SOX5: variants seen among roughly 807,000 people sequenced by gnomAD.
The protein encoded by SOX5 is transcription factor SOX-5.
In SOX5, 9 loss-of-function variants were observed where a neutral mutation model predicts 92.0. The observed-to-expected ratio is 0.10, with a 90% CI of 0.06 to 0.17. The LOEUF (loss-of-function observed/expected upper bound fraction) is 0.17. SOX5 is among the 10% of genes least tolerant of loss of function. SOX5 has a pLI of 1.00. For missense variants in SOX5, 642 were observed against 944.5 expected, an observed-to-expected ratio of 0.68 and a Z score of 4.20; for synonymous variants, 344 against 336.3, an observed-to-expected ratio of 1.02 and a Z score of -0.25.
chr12:24,443,265 A>AT (rs1297342785), intron 1 of SOX5, among the ~76,000 whole-genome samples: 4 of 152,144 alleles, frequency 2.6e-5, no homozygotes, highest in African/African-American at 4.8e-5. Context: ...TTTATGGATT[A>AT]TTTTTAAAAC....
intron 7 of SOX5, among the ~76,000 whole-genome samples, chr12:23,644,399 T>C (rs11047018): frequency 0.035 from 5,387 of 152,276 alleles, 173 homozygotes; most frequent in African/African-American, 0.079. Flanking sequence ...TAAATGTTTG[T>C]TGTCTTAAGG....
chr12:23,949,749 T>TCC (rs1569216778), upstream of SOX5: 15 of 915,016 alleles, frequency 1.6e-5, no homozygotes, highest in South Asian at 3.0e-5. Context: ...TCTCTCTCTC[T>TCC]CTCCCTCTCT....
chr12:23,603,535 T>C (rs1164010429), intron 9 of SOX5, among the ~76,000 whole-genome samples: 1 of 150,116 alleles, frequency 6.7e-6, no homozygotes, highest in Admixed American at 6.7e-5. Flanking sequence ...TTATTTGTGG[T>C]TGTTTCCCTG....
rs138552742 is a variant in SOX5 at position 23,859,372 on chromosome 12, T to G, written c.271-13179A>C. Among the ~76,000 whole-genome samples, 119 of 152,242 alleles carry G rather than the reference T, an allele frequency of 7.8e-4. 1 individual carries two copies. In the East Asian group the frequency reaches 0.02, roughly 26 times the overall value. ...TCTGGGAATGTTTGTCTTATGCAGT[T>G]GAGATAAGGGATGAAATACGCTCTG... On this transcript the variant is annotated intron_variant, in intron 2 of 14. Transcript: ENST00000451604.
chr12:23,761,460 G>A (rs1472989213), intron 3 of SOX5, among the ~76,000 whole-genome samples: 1 of 152,112 alleles, frequency 6.6e-6, no homozygotes, highest in Non-Finnish European at 1.5e-5. Flanking sequence ...TTTGACCAAG[G>A]AAATTAGTGT....
At chr12:23,976,398 CAAAAAAACA>C (rs1229959249) in intron 4 of SOX5, among the ~76,000 whole-genome samples, 13 of 106,774 alleles carry the variant, frequency 1.2e-4, no homozygotes, top group South Asian at 3.1e-4. Flanking sequence ...ATTAAAAAAA[CAAAAAAACA>C]AAAAAAAAAA....
At chr12:24,146,690 GAGA>G (rs972312887) in intron 4 of SOX5, among the ~76,000 whole-genome samples, 5 of 148,616 alleles carry the variant, frequency 3.4e-5, no homozygotes, top group African/African-American at 1.2e-4. Context: ...CTGATTCTTT[GAGA>G]AGATTAATAA....
intron 1 of SOX5, among the ~76,000 whole-genome samples, chr12:24,444,514 T>C (rs1941165469): frequency 6.6e-6 from 1 of 152,150 alleles, no homozygotes; most frequent in South Asian, 2.1e-4. Context: ...AAATGGGGCA[T>C]GAAATGTATT....
At chr12:23,928,926 A>G (rs942423212) in intron 1 of SOX5, among the ~76,000 whole-genome samples, 1 of 151,944 alleles carries the variant, frequency 6.6e-6, no homozygotes, top group African/African-American at 2.4e-5. Flanking sequence ...TCAATTCATT[A>G]TCAATTAGCT....
chr12:23,587,391 G>A (rs1192017688), intron 9 of SOX5, among the ~76,000 whole-genome samples: 3 of 152,036 alleles, frequency 2.0e-5, no homozygotes, highest in Non-Finnish European at 2.9e-5. Context: ...TTGAACCCAA[G>A]TCATAAAGGT....
chr12:24,069,934 A>C (rs1941494736), intron 4 of SOX5, among the ~76,000 whole-genome samples: 2 of 152,136 alleles, frequency 1.3e-5, no homozygotes, highest in Admixed American at 1.3e-4. Flanking sequence ...CCACATAGCC[A>C]TTTACTACTG....
At chr12:23,722,820 T>C (rs2092894127) in intron 6 of SOX5, among the ~76,000 whole-genome samples, 1 of 152,178 alleles carries the variant, frequency 6.6e-6, no homozygotes. Context: ...AGCTTCCCAC[T>C]TATCAGTCAC....
At chr12:24,173,846 G>T (rs1247799097) in intron 4 of SOX5, among the ~76,000 whole-genome samples, 2 of 152,142 alleles carry the variant, frequency 1.3e-5, no homozygotes, top group Non-Finnish European at 2.9e-5. Context: ...TATTCATCCA[G>T]TTACTACCAG....
chr12:23,827,875 A>T (rs934057522), intron 3 of SOX5, among the ~76,000 whole-genome samples: 4 of 152,200 alleles, frequency 2.6e-5, no homozygotes, highest in African/African-American at 7.2e-5. Flanking sequence ...GTCCTGCCAG[A>T]GCAATATTTC....
At chr12:23,820,198 T>TC (rs2096079009) in intron 3 of SOX5, among the ~76,000 whole-genome samples, 1 of 152,236 alleles carries the variant, frequency 6.6e-6, no homozygotes, top group Non-Finnish European at 1.5e-5. Context: ...GAGCTTTTTT[T>TC]CATGTTTTTT....
At position 24,357,623 on chromosome 12, in the gene SOX5, G is replaced by A. The variant is rs192925054; in HGVS notation, c.-174+10940C>T. Among the ~76,000 whole-genome samples the A allele has an allele frequency of 2.0e-5, 3 of 152,116 alleles. No homozygotes were observed. In the East Asian group the frequency reaches 5.8e-4, roughly 29 times the overall value. On this transcript the variant is annotated intron_variant, in intron 2 of 4. Coordinates refer to the SOX5 transcript ENST00000446891. ...TTTGGGAGGCCGAGGCGGGTGGATT[G>A]CCTGAGCTCAGGAGTTCATGACCAT...
intron 4 of SOX5, among the ~76,000 whole-genome samples, chr12:24,144,647 G>T (rs1461235727): frequency 2.6e-5 from 4 of 152,114 alleles, no homozygotes; most frequent in Non-Finnish European, 4.4e-5. Context: ...ACCACAGCAA[G>T]ACCCCATCTT....
intron 2 of SOX5, among the ~76,000 whole-genome samples, chr12:24,308,524 G>A (rs140538621): frequency 1.1e-3 from 170 of 152,252 alleles, no homozygotes; most frequent in African/African-American, 3.7e-3. Flanking sequence ...GGCAAGAATC[G>A]AGGTTGCTGC....
chr12:24,416,638 G>A (rs559651398), intron 1 of SOX5, among the ~76,000 whole-genome samples: 71 of 152,172 alleles, frequency 4.7e-4, no homozygotes, highest in Non-Finnish European at 9.0e-4. Flanking sequence ...TAGAGGCACC[G>A]AGTATTCTCA....
Sources: gnomAD v4.1 joint callset for allele counts (sites outside exome capture counted in the v4.1 genomes callset) on GRCh38, gnomAD v4.1.1 for gene constraint, MANE v1.5 for transcripts, NCBI Gene and HGNC (gene_info 2026-07-23, HGNC 2026-07-21) for gene names.